SERPINF2: variants seen among roughly 807,000 people sequenced by gnomAD.
SERPINF2 encodes the protein serpin family F member 2.
Under a neutral mutation model 45.0 loss-of-function variants are expected in SERPINF2, and 15 were observed. The observed-to-expected ratio is 0.33, with a 90% CI of 0.22 to 0.51. The LOEUF (loss-of-function observed/expected upper bound fraction) is 0.51, where lower values mean the gene tolerates loss of function less well. SERPINF2 is among the 20% of genes least tolerant of loss of function. The pLI is 0.97. For missense variants in SERPINF2, 518 were observed against 637.4 expected (o/e 0.81, Z 2.02); for synonymous variants, 283 against 277.9 (o/e 1.02, Z -0.18).
chr17:1,747,971 C>T (rs972848935), intron 7 of SERPINF2, among the ~76,000 whole-genome samples: 10 of 151,438 alleles, frequency 6.6e-5, no homozygotes, highest in Non-Finnish European at 1.5e-4. Flanking sequence ...ATGAGTTGTT[C>T]TAGAGTGAAT....
At chr17:1,743,607 C>T (rs973569057) in intron 1 of SERPINF2, among the ~76,000 whole-genome samples, 4 of 146,908 alleles carry the variant, frequency 2.7e-5, no homozygotes, top group East Asian at 2.1e-4. Context: ...CCCAGCTACT[C>T]GGGAGGCTGA....
At chr17:1,746,979 G>A in intron 5 of SERPINF2, 40 bp from the exon 6 acceptor site, 1 of 1,595,132 alleles carries the variant, frequency 6.3e-7, no homozygotes, top group Non-Finnish European at 8.5e-7. Flanking sequence ...GGGTGAGAAA[G>A]GACCCGCAGC....
At chr17:1,744,747 T>G (rs1454370985) in intron 1 of SERPINF2, 4 of 985,268 alleles carry the variant, frequency 4.1e-6, no homozygotes, top group Non-Finnish European at 4.8e-6. Context: ...ACACCCTCAG[T>G]GCATGAAATG....
intron 1 of SERPINF2, 44 bp from the exon 2 acceptor site, chr17:1,744,948 G>T (rs201320264): frequency 6.2e-7 from 1 of 1,612,188 alleles, no homozygotes; most frequent in Non-Finnish European, 8.5e-7. Flanking sequence ...CCTGGCGGGC[G>T]TGGGGATGTG....
Position 1,742,899 on chromosome 17 carries a change from G to A in SERPINF2, c.-14G>A. 4.1e-6 allele frequency: 4 copies of A among 985,492 alleles called. No homozygotes were observed. Among genetic ancestry groups the A allele is most frequent in the Non-Finnish European group, 4.8e-6 (4 of 830,060 alleles). The allele number at this position is 985,492 out of a possible 1,614,324, so 61.0% of individuals were successfully genotyped here. A position where few individuals can be genotyped will look rare whatever the true frequency, so the allele number is the denominator to read the frequency against. The stretch of plus-strand genomic sequence containing the variant: ...GGAACGTTGTGTGTGGCAGCAAGGA[G>A]CCCGCAGAGGTATGAGGGGAGGGGC... On this transcript the variant is annotated 5_prime_UTR_variant, in exon 1 of 10. Transcript: ENST00000453066.
chr17:1,754,494 C>A lies in SERPINF2; in HGVS notation c.1436C>A (p.Pro479His). The change falls in exon 10 of 10, where the codon CCC (proline) becomes CAC (histidine). Residue 479 changes from proline (P) to histidine (H), a missense_variant. Pro to His is a moderately conservative substitution (Grantham distance 77). This residue lies in a region of SERPINF2 where 83 missense variants were observed against 60.0 expected (regional missense o/e 1.38). Coordinates refer to ENST00000453066, the MANE Select transcript of SERPINF2 (RefSeq NM_000934.4). ...GGCCCTGACTTAAAACTTGTGCCCCCCATGGAGGAGGATTACCCCCAGTTT... is the reference window on the plus strand; with the variant it reads ...GGCCCTGACTTAAAACTTGTGCCCCACATGGAGGAGGATTACCCCCAGTTT... ...LFGPDLKLVP[P>H]MEEDYPQFGS... 3.7e-6 allele frequency: 6 copies of A among 1,610,822 alleles called. No individual in the cohort carries two copies. The highest frequency in any genetic ancestry group is 5.1e-6 in the Non-Finnish European group (6 of 1,178,750).
Position 1,754,967 on chromosome 17 carries a change from G to C in SERPINF2, c.*433G>C. ...GAGACGGGCCCTGGTGGTGGCTCGGGAGGCGAAGCGTTGTCCTCAGCCCCG... is the reference window on the plus strand; with the variant it reads ...GAGACGGGCCCTGGTGGTGGCTCGGCAGGCGAAGCGTTGTCCTCAGCCCCG... On this transcript the variant is annotated 3_prime_UTR_variant, in exon 10 of 10. Coordinates refer to ENST00000453066, the MANE Select transcript of SERPINF2 (RefSeq NM_000934.4). 1 of 223,556 alleles carries C rather than the reference G, an allele frequency of 4.5e-6. No individual in the cohort carries two copies. Among genetic ancestry groups the C allele is most frequent in the South Asian group, 8.8e-5 (1 of 11,422 alleles). The allele number at this position is 223,556 out of a possible 1,614,324, so 13.8% of individuals were successfully genotyped here.
At chr17:1,744,645 TA>T (rs1905624256) in intron 1 of SERPINF2, 1 of 985,268 alleles carries the variant, frequency 1.0e-6, no homozygotes, top group Non-Finnish European at 1.2e-6. Context: ...TGGCAAGAGG[TA>T]GCCTGGATTC....
chr17:1,747,059 G>A lies in SERPINF2; in HGVS notation c.408G>A (p.Leu136=), dbSNP rs1182288880. 6.2e-7 allele frequency: 1 copy of A among 1,608,422 alleles called. No homozygotes were observed. The highest frequency in any genetic ancestry group is 8.5e-7 in the Non-Finnish European group (1 of 1,179,884). The part of the protein sequence containing the change: ...NHTLQRLQQV[L]HAGSGPCLPH... Reference sequence around the variant, plus strand: ...CGTTGCAGAGGCTGCAACAGGTGCTGCACGCAGGCTCAGGGCCCTGCCTCC... The same window carrying A: ...CGTTGCAGAGGCTGCAACAGGTGCTACACGCAGGCTCAGGGCCCTGCCTCC... The change falls in exon 6 of 10, where the codon CTG becomes CTA. Residue 136 remains leucine (L), a synonymous_variant. Coordinates refer to ENST00000453066, the MANE Select transcript of SERPINF2 (RefSeq NM_000934.4).
At chr17:1,749,523 G>A (rs1255539194) in intron 8 of SERPINF2, among the ~76,000 whole-genome samples, 1 of 152,184 alleles carries the variant, frequency 6.6e-6, no homozygotes, top group South Asian at 2.1e-4. Flanking sequence ...ACTTGAACCC[G>A]GGAGACGGAG....
intron 8 of SERPINF2, among the ~76,000 whole-genome samples, chr17:1,750,267 G>C (rs1906261099): frequency 1.3e-5 from 2 of 152,114 alleles, no homozygotes; most frequent in Admixed American, 1.3e-4. Context: ...TCCTGCCTCA[G>C]CCTCCCGAGT....
In SERPINF2 at chr17:1,745,298, A is replaced by C; in HGVS notation, c.103-35A>C. ...TGGGCAGGGTGGGGGGCCTGTGGGA[A>C]GGGTCGGTCTCCATCTGCTTGCTCC... On this transcript the variant is annotated intron_variant, in intron 3 of 9. Transcript: ENST00000453066. This position sits in a 1 kb window ranked among gnomAD's most constrained non-coding sequence, Gnocchi z 6.2. The C allele has an allele frequency of 2.5e-6, 4 of 1,611,778 alleles. No homozygotes were observed. The highest frequency in any genetic ancestry group is 2.5e-6 in the Non-Finnish European group (3 of 1,179,468).
chr17:1,747,214 G>A (rs1276913856), intron 6 of SERPINF2, 52 bp downstream of exon 6: 1 of 1,610,872 alleles, frequency 6.2e-7, no homozygotes, highest in Non-Finnish European at 8.5e-7. Flanking sequence ...GTGGAGGAGG[G>A]TGAGAGCAAG....
chr17:1,751,582 A>G (rs1024841324), intron 8 of SERPINF2, among the ~76,000 whole-genome samples: 3 of 135,492 alleles, frequency 2.2e-5, no homozygotes, highest in South Asian at 2.5e-4. Flanking sequence ...GTGAAACCCC[A>G]TCTCTTCTAA....
chr17:1,753,641 A>G (rs1260922408), intron 9 of SERPINF2, among the ~76,000 whole-genome samples: 1 of 152,160 alleles, frequency 6.6e-6, no homozygotes, highest in Non-Finnish European at 1.5e-5. Context: ...AGCCGAGATC[A>G]CGCCACTGTA....
intron 8 of SERPINF2, among the ~76,000 whole-genome samples, chr17:1,750,152 T>C (rs750224635): frequency 4.0e-5 from 6 of 151,808 alleles, no homozygotes; most frequent in Non-Finnish European, 5.9e-5. Context: ...TTTGTTCGTT[T>C]GTTTGTTTGT....
chr17:1,754,462 G>C lies in SERPINF2; in HGVS notation c.1404G>C (p.Lys468Asn). Residue 468 changes from lysine to asparagine, a missense_variant, in exon 10 of 10, where the codon AAG (lysine) becomes AAC (asparagine). This residue lies in a region of SERPINF2 where 83 missense variants were observed against 60.0 expected (regional missense o/e 1.38). Coordinates refer to ENST00000453066, the MANE Select transcript of SERPINF2 (RefSeq NM_000934.4). ...QSLKGFPRGD[K>N]LFGPDLKLVP... Reference sequence around the variant, plus strand: ...TGAAAGGCTTCCCCCGCGGAGACAAGCTTTTCGGCCCTGACTTAAAACTTG... The same window carrying C: ...TGAAAGGCTTCCCCCGCGGAGACAACCTTTTCGGCCCTGACTTAAAACTTG... 2 of 1,607,984 alleles carry C rather than the reference G, an allele frequency of 1.2e-6. No homozygotes were observed. The highest frequency in any genetic ancestry group is 1.7e-6 in the Non-Finnish European group (2 of 1,176,552).
At position 1,751,536 on chromosome 17, in the gene SERPINF2, C is replaced by T. The variant is rs1261640986; in HGVS notation, c.859-1050C>T. 8.1e-5 allele frequency among the ~76,000 whole-genome samples: 11 copies of T among 135,556 alleles called. 2 individuals carry two copies. Among genetic ancestry groups the T allele is most frequent in the Non-Finnish European group, 1.2e-4 (7 of 60,302 alleles). 88.9% of individuals were successfully genotyped at this position (135,556 alleles called of 152,430 possible). A position where few individuals can be genotyped will look rare whatever the true frequency, so the allele number is the denominator to read the frequency against. On this transcript the variant is annotated intron_variant, in intron 8 of 9. Transcript: ENST00000453066. ...TTGGGAGGCCAAGGCAGGTGGATCACGAGGTCAGGAGATTGAGACCATCCT... is the reference window on the plus strand; with the variant it reads ...TTGGGAGGCCAAGGCAGGTGGATCATGAGGTCAGGAGATTGAGACCATCCT...
intron 8 of SERPINF2, among the ~76,000 whole-genome samples, chr17:1,751,051 G>C (rs1326943230): frequency 6.6e-6 from 1 of 152,218 alleles, no homozygotes; most frequent in Admixed American, 6.5e-5. Flanking sequence ...ACGGGCAGGG[G>C]TTCTCCACAC....
Sources: allele counts gnomAD v4.1 joint callset (sites outside exome capture counted in the v4.1 genomes callset), GRCh38; gene constraint gnomAD v4.1.1; regional missense constraint gnomAD v4.1.1; non-coding constraint Gnocchi (gnomAD v3.1); transcripts MANE v1.5; gene names NCBI Gene and HGNC (gene_info 2026-07-23, HGNC 2026-07-21).